DUSP22: variants seen among roughly 807,000 people sequenced by gnomAD.
The protein encoded by DUSP22 is dual specificity phosphatase 22, also known as dual specificity protein phosphatase 22.
A neutral mutation model predicts 24.5 loss-of-function variants in DUSP22; 24 were observed. The observed-to-expected ratio is 0.98, with a 90% CI of 0.71 to 1.38. The LOEUF is 1.38. Among genes scored for constraint, DUSP22 ranks in the 40% most tolerant of loss-of-function variants. The pLI is 0.00. For missense variants in DUSP22, 330 were observed against 269.2 expected (o/e 1.23, Z -1.58); for synonymous variants, 160 against 106.4 (o/e 1.50, Z -3.10).
At chr6:333,749 G>T (rs7755030) in intron 3 of DUSP22, among the ~76,000 whole-genome samples, 807 of 151,966 alleles carry the variant, frequency 5.3e-3, no homozygotes, top group African/African-American at 0.019. Flanking sequence ...CACCTGCCCC[G>T]CAAAGAGCAT....
chr6:319,351 CATG>C (rs1243276166), intron 3 of DUSP22, among the ~76,000 whole-genome samples: 1 of 152,302 alleles, frequency 6.6e-6, no homozygotes, highest in East Asian at 1.9e-4. Flanking sequence ...ATGTGTGATG[CATG>C]ATGTCAGGCA....
At chr6:305,590 T>G (rs977734775) in intron 2 of DUSP22, among the ~76,000 whole-genome samples, 4 of 152,306 alleles carry the variant, frequency 2.6e-5, no homozygotes, top group Non-Finnish European at 5.9e-5. Context: ...TGTCAGCTAT[T>G]GACTCTATTT....
At chr6:308,460 C>G (rs1757923951) in intron 2 of DUSP22, among the ~76,000 whole-genome samples, 1 of 152,048 alleles carries the variant, frequency 6.6e-6, no homozygotes. Context: ...GTGGGCAGAG[C>G]CTGTGCCTTA....
intron 1 of DUSP22, among the ~76,000 whole-genome samples, chr6:298,881 C>CAAAAGTAAG (rs1757457985): frequency 1.3e-5 from 2 of 151,940 alleles, no homozygotes; most frequent in African/African-American, 2.4e-5. Context: ...AAGATCAGTC[C>CAAAAGTAAG]GAAAGTAAGG....
intron 3 of DUSP22, among the ~76,000 whole-genome samples, chr6:328,257 C>T (rs1273836594): frequency 6.6e-6 from 1 of 152,302 alleles, no homozygotes; most frequent in Non-Finnish European, 1.5e-5. Context: ...ATCAGCAAGT[C>T]CTGCAGCTGA....
rs1362131917 is a variant in DUSP22 at position 350,674 on chromosome 6, G to T, written c.*1723G>T. ...CCAATAAAGTACATGTTTTTCCTAA[G>T]CCAAAAATAAATACGTTAACAGAAA... On this transcript the variant is annotated 3_prime_UTR_variant, in exon 7 of 7. Coordinates refer to ENST00000419235, the MANE Select transcript of DUSP22 (RefSeq NM_001286555.3). 2 of 1,542,516 alleles carry T rather than the reference G, an allele frequency of 1.3e-6. No individual in the cohort carries two copies. The highest frequency in any genetic ancestry group is 2.8e-5 in the African/African-American group (2 of 72,362).
intron 1 of DUSP22, among the ~76,000 whole-genome samples, chr6:302,154 G>C (rs980350371): frequency 1.3e-5 from 2 of 152,308 alleles, no homozygotes; most frequent in Non-Finnish European, 2.9e-5. Context: ...ACGGAGGTGA[G>C]CATGGTGACG....
intron 2 of DUSP22, among the ~76,000 whole-genome samples, chr6:309,307 T>G (rs1479133906): frequency 6.6e-6 from 1 of 152,310 alleles, no homozygotes; most frequent in Non-Finnish European, 1.5e-5. Flanking sequence ...AAAGGGCTCA[T>G]GTTCCTCGTA....
At chr6:334,653 C>G (rs1304852151) in intron 3 of DUSP22, among the ~76,000 whole-genome samples, 2 of 152,298 alleles carry the variant, frequency 1.3e-5, no homozygotes, top group African/African-American at 4.8e-5. Context: ...TGTCATGGTA[C>G]TAAAATTGAT....
intron 3 of DUSP22, among the ~76,000 whole-genome samples, chr6:314,176 A>C (rs1304931115): frequency 6.6e-6 from 1 of 152,294 alleles, no homozygotes; most frequent in Non-Finnish European, 1.5e-5. Context: ...CAGTGAGCTG[A>C]CCCCTGGCTG....
intron 2 of DUSP22, among the ~76,000 whole-genome samples, chr6:309,254 C>T (rs1201856201): frequency 6.6e-6 from 1 of 152,302 alleles, no homozygotes; most frequent in African/African-American, 2.4e-5. Context: ...AGTGAGAGGA[C>T]ACTGCTATTA....
intron 3 of DUSP22, among the ~76,000 whole-genome samples, chr6:334,536 AG>A (rs1283128507): frequency 1.3e-5 from 2 of 152,304 alleles, no homozygotes; most frequent in African/African-American, 2.4e-5. Context: ...AAAAGAAAAA[AG>A]TATTTTTGTT....
chr6:325,993 G>C (rs1164554329), intron 3 of DUSP22: 1 of 224,822 alleles, frequency 4.4e-6, no homozygotes, highest in Non-Finnish European at 8.4e-6. Flanking sequence ...TGTATCTGCT[G>C]GTGCCTGGAG....
Position 348,139 on chromosome 6 carries a change from C to A in DUSP22, c.300C>A (p.Ile100=), listed in dbSNP as rs746498411. 7.4e-6 allele frequency: 12 copies of A among 1,614,168 alleles called. No individual in the cohort carries two copies. The highest frequency in any genetic ancestry group is 1.7e-5 in the Admixed American group (1 of 60,018). ...AGVSRSVTLV[I]AYIMTVTDFG... ...TCTCCAGGAGCGTGACACTGGTGATCGCATACATCATGACCGTCACTGACT... is the reference window on the plus strand; with the variant it reads ...TCTCCAGGAGCGTGACACTGGTGATAGCATACATCATGACCGTCACTGACT... Residue 100 remains isoleucine (I), a synonymous_variant, in exon 6 of 7, where the codon ATC becomes ATA. Coordinates refer to ENST00000419235, the MANE Select transcript of DUSP22 (RefSeq NM_001286555.3).
intron 3 of DUSP22, among the ~76,000 whole-genome samples, chr6:322,108 A>G (rs1758620177): frequency 1.4e-5 from 2 of 145,362 alleles, no homozygotes; most frequent in Non-Finnish European, 3.0e-5. Flanking sequence ...TCATCTACAT[A>G]GTGTATACAT....
At chr6:313,720 C>T (rs952796318) in intron 3 of DUSP22, among the ~76,000 whole-genome samples, 1 of 152,304 alleles carries the variant, frequency 6.6e-6, no homozygotes, top group Non-Finnish European at 1.5e-5. Flanking sequence ...ATTGTTATGC[C>T]ACTGTTTTGT....
At chr6:330,414 C>A (rs567635384) in intron 3 of DUSP22, among the ~76,000 whole-genome samples, 2 of 152,424 alleles carry the variant, frequency 1.3e-5, no homozygotes, top group South Asian at 2.1e-4. Flanking sequence ...GTCAGCTGGG[C>A]TCTTGAGAAG....
chr6:348,955 A>C lies in DUSP22; in HGVS notation c.*4A>C, dbSNP rs1185595137. 7.0e-6 allele frequency: 11 copies of C among 1,579,832 alleles called. No individual in the cohort carries two copies. In the African/African-American group the frequency reaches 1.5e-4, roughly 21 times the overall value. On this transcript the variant is annotated 3_prime_UTR_variant, in exon 7 of 7. Transcript: ENST00000419235. ...TAATTATACGACGGAGACCTAACGC[A>C]AGCGACCTGCTGCCTTCCTTCCCAC...
At chr6:337,820 G>A (rs1759425837) in intron 4 of DUSP22, among the ~76,000 whole-genome samples, 1 of 152,310 alleles carries the variant, frequency 6.6e-6, no homozygotes, top group Admixed American at 6.5e-5. Flanking sequence ...ATGTGAAGAG[G>A]TCCTGTTAAG....
Sources: gnomAD v4.1 joint callset for allele counts (sites outside exome capture counted in the v4.1 genomes callset) on GRCh38, gnomAD v4.1.1 for gene constraint, MANE v1.5 for transcripts, NCBI Gene and HGNC (gene_info 2026-07-23, HGNC 2026-07-21) for gene names.